GRID2: variants seen among roughly 807,000 people sequenced by gnomAD.
GRID2 encodes the protein glutamate ionotropic receptor delta type subunit 2.
Under a neutral mutation model 114.8 loss-of-function variants are expected in GRID2, and 33 were observed. That is an observed-to-expected ratio of 0.29 (90% CI 0.22 to 0.38). The LOEUF (loss-of-function observed/expected upper bound fraction) is 0.38. GRID2 is among the 10% of genes least tolerant of loss of function. The pLI is 1.00. For missense variants in GRID2, 1,184 were observed against 1,257.7 expected (o/e 0.94, Z 0.89); for synonymous variants, 505 against 449.9 (o/e 1.12, Z -1.55).
chr4:92,865,346 T>C (rs568241621), intron 2 of GRID2, among the ~76,000 whole-genome samples: 1 of 152,216 alleles, frequency 6.6e-6, no homozygotes, highest in South Asian at 2.1e-4. Flanking sequence ...GTTATTGAAG[T>C]AATAAAATAC....
chr4:92,916,824 G>C (rs180753560), intron 2 of GRID2, among the ~76,000 whole-genome samples: 6 of 152,070 alleles, frequency 3.9e-5, no homozygotes, highest in African/African-American at 1.2e-4. Flanking sequence ...AAACATAGCT[G>C]TGTGTGTGTG....
At chr4:93,344,984 AGTGTGTGTGTGTGTGTGTGT>A (rs35018148) in intron 8 of GRID2, among the ~76,000 whole-genome samples, 1 of 142,406 alleles carries the variant, frequency 7.0e-6, no homozygotes, top group Non-Finnish European at 1.5e-5. Context: ...GTTGTATTCT[AGTGTGTGTGTGTGTGTGTGT>A]GTGTGTGTGT....
intron 2 of GRID2, among the ~76,000 whole-genome samples, chr4:92,750,089 G>A (rs1027227440): frequency 1.3e-5 from 2 of 151,996 alleles, no homozygotes; most frequent in Non-Finnish European, 2.9e-5. Context: ...TTGAACTCCC[G>A]ACCTTAGCTG....
At chr4:93,329,063 A>T (rs1758158736) in intron 8 of GRID2, among the ~76,000 whole-genome samples, 1 of 152,184 alleles carries the variant, frequency 6.6e-6, no homozygotes, top group East Asian at 1.9e-4. Context: ...AATTGGAAAG[A>T]ATATCCCACC....
In GRID2 at chr4:93,258,541, C is replaced by T. The variant is rs143996079; in HGVS notation, c.1245+20051C>T. On this transcript the variant is annotated intron_variant, in intron 8 of 15. Coordinates refer to ENST00000282020, the MANE Select transcript of GRID2 (RefSeq NM_001510.4). ...GAGGTGTTTTATATTATTTCAAAGA[C>T]ATGTTTTGAAAAAAAGACTCAGAGT... Among the ~76,000 whole-genome samples, 556 of 151,438 alleles carry T rather than the reference C, an allele frequency of 3.7e-3. 4 individuals are homozygous for T. Among genetic ancestry groups the T allele is most frequent in the African/African-American group, 0.013 (527 of 41,368 alleles).
At chr4:92,764,191 T>G (rs1018183642) in intron 2 of GRID2, among the ~76,000 whole-genome samples, 1 of 152,138 alleles carries the variant, frequency 6.6e-6, no homozygotes, top group Non-Finnish European at 1.5e-5. Flanking sequence ...GAGAATTCAG[T>G]TCAGTGACCT....
At chr4:93,554,045 G>A (rs1192048777) in intron 13 of GRID2, among the ~76,000 whole-genome samples, 1 of 152,090 alleles carries the variant, frequency 6.6e-6, no homozygotes, top group Non-Finnish European at 1.5e-5. Context: ...AATGTGTTTG[G>A]ACCTAAGATA....
chr4:92,974,684 CGGGGGTAG>C (rs1272711187), intron 2 of GRID2, among the ~76,000 whole-genome samples: 2 of 146,540 alleles, frequency 1.4e-5, no homozygotes, highest in Non-Finnish European at 3.0e-5. Flanking sequence ...GAACGTGTCG[CGGGGGTAG>C]GGGGGTAGGG....
chr4:92,608,993 A>G (rs1183041029), intron 2 of GRID2, among the ~76,000 whole-genome samples: 1 of 151,838 alleles, frequency 6.6e-6, no homozygotes, highest in Non-Finnish European at 1.5e-5. Flanking sequence ...TTAGCAAATA[A>G]AAGACATAAA....
intron 8 of GRID2, among the ~76,000 whole-genome samples, chr4:93,388,472 G>C (rs942472962): frequency 5.9e-5 from 9 of 152,072 alleles, no homozygotes; most frequent in Non-Finnish European, 1.0e-4. Flanking sequence ...TAGAAACAAT[G>C]TTTAAATTTT....
In GRID2 at chr4:93,085,287, T is replaced by A; in HGVS notation, c.529+8T>A. ...TCTATGATAGTGAATACGGTAAGTGTTTATAATTTGTTTAGGTTTTGTAAG... is the reference window on the plus strand; with the variant it reads ...TCTATGATAGTGAATACGGTAAGTGATTATAATTTGTTTAGGTTTTGTAAG... On this transcript the variant is annotated splice_region_variant and intron_variant, in intron 3 of 15. Transcript: ENST00000282020. The A allele has an allele frequency of 6.3e-7, 1 of 1,598,612 alleles. No homozygotes were observed.
At chr4:93,004,512 G>A (rs1721307961) in intron 2 of GRID2, among the ~76,000 whole-genome samples, 1 of 151,964 alleles carries the variant, frequency 6.6e-6, no homozygotes, top group Non-Finnish European at 1.5e-5. Flanking sequence ...CCCCCTACAA[G>A]TGTGTGTGCA....
Position 93,530,239 on chromosome 4 carries a change from A to G in GRID2, c.2193+14828A>G, listed in dbSNP as rs368323364. On this transcript the variant is annotated intron_variant, in intron 13 of 15. Transcript: ENST00000282020. ...CTCAGCATAGCACTGAAAGTGATCC[A>G]TCTTTGCTCAAAAGCCTGTAAGTGT... Among the ~76,000 whole-genome samples, 51 of 152,272 alleles carry G rather than the reference A, an allele frequency of 3.3e-4. 1 individual carries two copies. Among genetic ancestry groups the G allele is most frequent in the South Asian group, 2.5e-3 (12 of 4,828 alleles).
At chr4:93,734,539 A>C (rs1730763504) in intron 14 of GRID2, among the ~76,000 whole-genome samples, 1 of 152,010 alleles carries the variant, frequency 6.6e-6, no homozygotes, top group African/African-American at 2.4e-5. Context: ...AATTAAATTA[A>C]AAATAAAATG....
At chr4:93,437,065 T>C (rs1254487539) in intron 10 of GRID2, among the ~76,000 whole-genome samples, 2 of 152,126 alleles carry the variant, frequency 1.3e-5, no homozygotes, top group African/African-American at 4.8e-5. Flanking sequence ...TCATCAATAA[T>C]AGATTTGACA....
At chr4:93,494,522 A>G (rs2149464765) in intron 12 of GRID2, among the ~76,000 whole-genome samples, 1 of 152,006 alleles carries the variant, frequency 6.6e-6, no homozygotes, top group East Asian at 1.9e-4. Flanking sequence ...ATCTATGGGC[A>G]TCTAATCTAA....
chr4:92,689,894 T>C (rs1579848918), intron 2 of GRID2, among the ~76,000 whole-genome samples: 1 of 152,154 alleles, frequency 6.6e-6, no homozygotes, highest in African/African-American at 2.4e-5. Context: ...CACTCAGCCT[T>C]CACGTAATTG....
intron 1 of GRID2, among the ~76,000 whole-genome samples, chr4:92,435,054 A>G (rs1272201677): frequency 6.6e-6 from 1 of 152,190 alleles, no homozygotes; most frequent in Non-Finnish European, 1.5e-5. Flanking sequence ...TTATGATAGC[A>G]GTATATCTTC....
intron 2 of GRID2, among the ~76,000 whole-genome samples, chr4:92,599,952 G>A (rs1729124659): frequency 1.3e-5 from 2 of 150,044 alleles, no homozygotes; most frequent in South Asian, 4.2e-4. Context: ...TTGAACCTGG[G>A]AGGTGGACAT....
Sources: gnomAD v4.1 joint callset for allele counts (sites outside exome capture counted in the v4.1 genomes callset) on GRCh38, gnomAD v4.1.1 for gene constraint, MANE v1.5 for transcripts, NCBI Gene and HGNC (gene_info 2026-07-23, HGNC 2026-07-21) for gene names.